Variants in KIAA1549 observed in about 807,000 individuals in gnomAD.
The protein encoded by KIAA1549 is UPF0606 protein KIAA1549.
In KIAA1549, 70 loss-of-function variants were observed where a neutral mutation model predicts 156.4. The observed-to-expected ratio is 0.45, with a 90% confidence interval of 0.37 to 0.55. The LOEUF (loss-of-function observed/expected upper bound fraction) is 0.55, where lower values mean the gene tolerates loss of function less well. KIAA1549 is among the 20% of genes least tolerant of loss of function. The probability of loss-of-function intolerance (pLI) is 0.00; values close to 1 mark genes in which losing one functional copy is unlikely to be tolerated. For synonymous variants in KIAA1549, 1,103 were observed against 1,066.4 expected, an observed-to-expected ratio of 1.03 and a Z score of -0.67; for missense variants, 2,428 against 2,540.9, an observed-to-expected ratio of 0.96 and a Z score of 0.96.
At chr7:138,867,326 G>A (rs1254277046) in intron 15 of KIAA1549, among the ~76,000 whole-genome samples, 3 of 152,034 alleles carry the variant, frequency 2.0e-5, no homozygotes, top group East Asian at 1.9e-4. Context: ...AGGCCAAGGC[G>A]GGAGGATCAC....
intron 9 of KIAA1549, among the ~76,000 whole-genome samples, chr7:138,897,892 C>CAAAAAAAAAAAAAAAAAAAAAAA (rs59242488): frequency 3.6e-5 from 1 of 27,478 alleles, no homozygotes; most frequent in South Asian, 2.3e-3. Flanking sequence ...GACCCTTTCT[C>CAAAAAAAAAAAAAAAAAAAAAAA]AAAAAAAAAA....
At chr7:138,976,752 A>G (rs1406817967) in intron 1 of KIAA1549, among the ~76,000 whole-genome samples, 1 of 152,204 alleles carries the variant, frequency 6.6e-6, no homozygotes, top group Non-Finnish European at 1.5e-5. Flanking sequence ...AAATACTGTT[A>G]ATTTTCAGTT....
At chr7:138,920,780 A>G (rs906243679) in intron 1 of KIAA1549, among the ~76,000 whole-genome samples, 4 of 152,248 alleles carry the variant, frequency 2.6e-5, no homozygotes, top group African/African-American at 9.6e-5. Context: ...ACAGTCTATC[A>G]GAACATACCT....
chr7:138,869,355 G>A (rs1810851404), intron 14 of KIAA1549, among the ~76,000 whole-genome samples, 183 bp downstream of exon 14: 1 of 152,248 alleles, frequency 6.6e-6, no homozygotes, highest in Non-Finnish European at 1.5e-5. Flanking sequence ...AGCCTTCCGA[G>A]TGGCCTCCAC....
At chr7:138,886,127 AGTCCT>A (rs1249153218) in intron 10 of KIAA1549, among the ~76,000 whole-genome samples, 1 of 152,214 alleles carries the variant, frequency 6.6e-6, no homozygotes, top group Admixed American at 6.5e-5. Flanking sequence ...ACCCCTACAG[AGTCCT>A]GTCAGTCAAA....
At chr7:138,889,431 A>C (rs76725532) in intron 10 of KIAA1549, among the ~76,000 whole-genome samples, 1,627 of 152,330 alleles carry the variant, frequency 0.011, 30 homozygotes, top group African/African-American at 0.037. Context: ...TTGATTGATG[A>C]AACATCGAGC....
chr7:138,925,179 G>A (rs1026131250), intron 1 of KIAA1549, among the ~76,000 whole-genome samples: 1 of 152,152 alleles, frequency 6.6e-6, no homozygotes, highest in Non-Finnish European at 1.5e-5. Flanking sequence ...ATACAGTAGT[G>A]AGGAAGATGC....
chr7:138,955,731 T>G (rs1223332364), intron 1 of KIAA1549, among the ~76,000 whole-genome samples: 1 of 152,228 alleles, frequency 6.6e-6, no homozygotes, highest in Non-Finnish European at 1.5e-5. Context: ...ATAATAGTTA[T>G]TGTTAGGTGG....
intron 16 of KIAA1549, among the ~76,000 whole-genome samples, chr7:138,852,863 G>A (rs576142965): frequency 2.2e-3 from 332 of 152,352 alleles, no homozygotes; most frequent in African/African-American, 7.5e-3. Flanking sequence ...GTCCCCAGGA[G>A]ACCCGGCTAT....
At chr7:138,903,863 G>A (rs1026573755) in intron 7 of KIAA1549, 127 bp from the exon 8 acceptor site, 58 of 677,784 alleles carry the variant, frequency 8.6e-5, no homozygotes, top group East Asian at 6.8e-4. Flanking sequence ...GCGCGCGCGC[G>A]CGCGCGCACA....
Position 138,899,030 on chromosome 7 carries a change from C to T in KIAA1549, c.3772G>A (p.Asp1258Asn). 1 of 1,613,832 alleles carries T rather than the reference C, an allele frequency of 6.2e-7. No individual in the cohort carries two copies. Among genetic ancestry groups the T allele is most frequent in the Non-Finnish European group, 8.5e-7 (1 of 1,179,772 alleles). The change falls in exon 9 of 20, where the codon GAC becomes AAC. Residue 1258 changes from aspartate (D) to asparagine (N), a missense_variant. By Grantham distance (23) the Asp-to-Asn change is conservative. Coordinates refer to ENST00000422774, the MANE Select transcript of KIAA1549 (RefSeq NM_001164665.2). ...GERLSAVKSS[D>N]LINKMDLQRA... ...TGGAGGTCCATTTTGTTAATCAGGT[C>T]CGAAGACTTGACTGCACTGAGTCTT...
intron 15 of KIAA1549, among the ~76,000 whole-genome samples, chr7:138,866,705 C>T (rs968644263): frequency 6.6e-6 from 1 of 152,246 alleles, no homozygotes; most frequent in African/African-American, 2.4e-5. Context: ...CTCCCCTACT[C>T]AATGCAGTCT....
chr7:138,867,187 T>C (rs1327302622), intron 15 of KIAA1549, among the ~76,000 whole-genome samples: 1 of 152,164 alleles, frequency 6.6e-6, no homozygotes, highest in African/African-American at 2.4e-5. Context: ...CCAAGGACAG[T>C]ACAGGGAAAT....
intron 1 of KIAA1549, among the ~76,000 whole-genome samples, chr7:138,977,906 G>A (rs1006808428): frequency 9.9e-5 from 15 of 152,110 alleles, no homozygotes; most frequent in African/African-American, 3.4e-4. Flanking sequence ...CACCATGTTG[G>A]CCAGGATGGT....
intron 10 of KIAA1549, among the ~76,000 whole-genome samples, chr7:138,886,059 G>A (rs1563063357): frequency 2.0e-5 from 3 of 152,050 alleles, no homozygotes. Context: ...TGTGTTGACT[G>A]TTGTGTGGTG....
rs1244936650 is a variant in KIAA1549 at position 138,837,545 on chromosome 7, C to T, written c.*361G>A. Reference sequence around the variant, plus strand: ...CGTACCAGTCTCAATCCCACAGAAACGCTTGGTTCCTTTCATCCCTATGCT... The same window carrying T: ...CGTACCAGTCTCAATCCCACAGAAATGCTTGGTTCCTTTCATCCCTATGCT... On this transcript the variant is annotated 3_prime_UTR_variant, in exon 20 of 20. Transcript: ENST00000422774. The T allele has an allele frequency of 2.7e-5, 10 of 366,132 alleles. No individual in the cohort carries two copies. Among genetic ancestry groups the T allele is most frequent in the African/African-American group, 4.1e-5 (2 of 48,854 alleles). 22.7% of individuals were successfully genotyped at this position (366,132 alleles called of 1,614,324 possible). A position where few individuals can be genotyped will look rare whatever the true frequency, so the allele number is the denominator to read the frequency against.
At chr7:138,854,832 G>A (rs1810337781) in intron 16 of KIAA1549, among the ~76,000 whole-genome samples, 1 of 152,062 alleles carries the variant, frequency 6.6e-6, no homozygotes, top group African/African-American at 2.4e-5. Context: ...GGGAATCCTG[G>A]ATCTGCAACA....
intron 5 of KIAA1549, among the ~76,000 whole-genome samples, 155 bp from the exon 6 acceptor site, chr7:138,907,257 G>T (rs1042212448): frequency 2.0e-5 from 3 of 152,124 alleles, no homozygotes; most frequent in Admixed American, 2.0e-4. Context: ...GTTCCCTTTT[G>T]TAAGAGTTTA....
chr7:138,960,289 T>G (rs1813799819), intron 1 of KIAA1549, among the ~76,000 whole-genome samples: 1 of 85,012 alleles, frequency 1.2e-5, no homozygotes, highest in Non-Finnish European at 2.4e-5. Flanking sequence ...AAATTTTATT[T>G]TATTGATTTA....
Sources: gnomAD v4.1 joint callset for allele counts (sites outside exome capture counted in the v4.1 genomes callset) on GRCh38, gnomAD v4.1.1 for gene constraint, MANE v1.5 for transcripts, NCBI Gene and HGNC (gene_info 2026-07-23, HGNC 2026-07-21) for gene names.